AK9: variants seen among roughly 807,000 people sequenced by gnomAD.
AK9 encodes adenylate kinase domain containing 1.
AK9 carries 191 observed loss-of-function variants against 239.6 expected under a neutral mutation model. The ratio of observed to expected loss-of-function variants is 0.80; its 90% CI spans 0.71 to 0.90. AK9 has a LOEUF of 0.90. AK9 is among the 40% of genes least tolerant of loss of function. The pLI, the probability that AK9 is intolerant of heterozygous loss-of-function variation, is 0.00. For missense variants in AK9, 1,995 were observed against 2,214.7 expected, an observed-to-expected ratio of 0.90 and a Z score of 1.99; for synonymous variants, 689 against 721.0, an observed-to-expected ratio of 0.96 and a Z score of 0.71.
chr6:109,513,845 A>C (rs772289147), intron 32 of AK9, among the ~76,000 whole-genome samples: 1 of 152,198 alleles, frequency 6.6e-6, no homozygotes, highest in African/African-American at 2.4e-5. Context: ...TAATAAGGCT[A>C]TTGTTAAGGA....
chr6:109,539,373 C>G (rs1037852595), intron 27 of AK9, among the ~76,000 whole-genome samples: 8 of 152,086 alleles, frequency 5.3e-5, no homozygotes, highest in African/African-American at 1.9e-4. Flanking sequence ...TCACTGATAC[C>G]CTTTCTTCCA....
chr6:109,652,682 C>A (rs1465429675), intron 8 of AK9, among the ~76,000 whole-genome samples: 1 of 152,060 alleles, frequency 6.6e-6, no homozygotes, highest in Non-Finnish European at 1.5e-5. Flanking sequence ...TTACTTTCTT[C>A]TTTAATAATT....
Position 109,674,235 on chromosome 6 carries a change from AC to A in AK9, c.143del (p.Arg48LeufsTer3). On this transcript the variant is annotated frameshift_variant, in exon 3 of 41. Coordinates refer to ENST00000424296, the MANE Select transcript of AK9 (RefSeq NM_001145128.3). LOFTEE classifies it high-confidence loss of function. ...KPGVGKTTLA[R>X]YITQAWKCIR... ...TACATTTCCATGCCTGTGTTATGTA[AC>A]GGGCTAATGTTGTTTTCCCAACACC... 6.3e-7 allele frequency: 1 copy of A among 1,591,824 alleles called. No homozygotes were observed. Among genetic ancestry groups the A allele is most frequent in the Non-Finnish European group, 8.5e-7 (1 of 1,170,408 alleles).
intron 29 of AK9, among the ~76,000 whole-genome samples, chr6:109,521,467 T>C (rs1433075995): frequency 6.7e-6 from 1 of 149,314 alleles, no homozygotes; most frequent in African/African-American, 2.4e-5. Flanking sequence ...ATCAAGAAGA[T>C]GTCCTTACTC....
chr6:109,516,014 A>G lies in AK9; in HGVS notation c.3908T>C (p.Ile1303Thr), dbSNP rs1208659668. The change falls in exon 31 of 41, where the codon ATT becomes ACT. Residue 1303 changes from isoleucine to threonine, a missense_variant. Transcript: ENST00000424296. ...TTTCATATTCAATGTATATTGTACA[A>G]TGTGATTTCTCCGAGCTCCATTAAT... is the stretch of plus-strand genomic sequence containing the variant. ...ISINGARRNHIVQYTLNMKLK... is the reference protein window; with the variant it reads ...ISINGARRNHTVQYTLNMKLK... 1.9e-6 allele frequency: 3 copies of G among 1,551,212 alleles called. No homozygotes were observed. In the African/African-American group the frequency reaches 4.1e-5, roughly 21 times the overall value.
chr6:109,568,627 C>T (rs1786934266), intron 21 of AK9, among the ~76,000 whole-genome samples: 1 of 152,184 alleles, frequency 6.6e-6, no homozygotes, highest in Non-Finnish European at 1.5e-5. Context: ...CATTCCTATA[C>T]ACCAATAACA....
chr6:109,679,080 T>C (rs1460375113), intron 1 of AK9, among the ~76,000 whole-genome samples: 2 of 152,056 alleles, frequency 1.3e-5, no homozygotes, highest in Non-Finnish European at 2.9e-5. Flanking sequence ...CATATCCCAG[T>C]GGCGCCTGGA....
intron 12 of AK9, among the ~76,000 whole-genome samples, chr6:109,622,019 T>C (rs1733065768): frequency 6.8e-6 from 1 of 146,506 alleles, no homozygotes; most frequent in Non-Finnish European, 1.5e-5. Context: ...GCCTAGTTTA[T>C]AGTTGCAAAA....
At chr6:109,554,083 C>G (rs1200956913) in intron 24 of AK9, among the ~76,000 whole-genome samples, 1 of 152,130 alleles carries the variant, frequency 6.6e-6, no homozygotes, top group African/African-American at 2.4e-5. Context: ...TTTTTTGATG[C>G]ACTGCTGGAT....
In AK9 at chr6:109,499,197, C is replaced by G; in HGVS notation, c.4893G>C (p.Glu1631Asp). The change falls in exon 36 of 41, where the codon GAG (glutamate) becomes GAC (aspartate). Residue 1631 changes from glutamate (E) to aspartate (D), a missense_variant. Transcript: ENST00000424296. ...CIDKLCITPQ[E>D]LLSRLGEFEQ... ...CAAATTCTCCCAGGCGAGAAAGCAG[C>G]TCTTGAGGTGTGATACATAACTTGT... is the stretch of plus-strand genomic sequence containing the variant. The G allele has an allele frequency of 6.3e-7, 1 of 1,597,250 alleles. No individual in the cohort carries two copies. Among genetic ancestry groups the G allele is most frequent in the Non-Finnish European group, 8.5e-7 (1 of 1,171,132 alleles).
At chr6:109,670,136 T>A (rs1801857288) in intron 5 of AK9, among the ~76,000 whole-genome samples, 1 of 152,050 alleles carries the variant, frequency 6.6e-6, no homozygotes, top group Non-Finnish European at 1.5e-5. Context: ...TAGGGGAAAC[T>A]TATATATAAA....
intron 17 of AK9, among the ~76,000 whole-genome samples, chr6:109,593,756 A>G (rs1337672301): frequency 1.3e-5 from 2 of 152,242 alleles, no homozygotes; most frequent in Non-Finnish European, 2.9e-5. Flanking sequence ...AGAACCAATG[A>G]CAAAAACCAC....
chr6:109,602,139 G>C (rs570266038), intron 17 of AK9, among the ~76,000 whole-genome samples: 47 of 152,254 alleles, frequency 3.1e-4, no homozygotes, highest in African/African-American at 1.1e-3. Flanking sequence ...TGGTTATTTT[G>C]CTCATTAGTT....
intron 17 of AK9, among the ~76,000 whole-genome samples, chr6:109,604,387 T>C (rs1792558472): frequency 6.6e-6 from 1 of 152,248 alleles, no homozygotes; most frequent in Admixed American, 6.5e-5. Flanking sequence ...CGTTTAACTA[T>C]TTAATATATA....
At chr6:109,524,877 T>G (rs2128125915) in intron 29 of AK9, among the ~76,000 whole-genome samples, 1 of 152,288 alleles carries the variant, frequency 6.6e-6, no homozygotes, top group Non-Finnish European at 1.5e-5. Context: ...TGAATAATAT[T>G]GACCCTAAGT....
chr6:109,666,447 G>A (rs1801212704), intron 5 of AK9, among the ~76,000 whole-genome samples: 1 of 152,110 alleles, frequency 6.6e-6, no homozygotes, highest in Non-Finnish European at 1.5e-5. Flanking sequence ...GCCCTTCCAT[G>A]CTAACGATGG....
At chr6:109,505,998 G>C (rs1005286602) in intron 35 of AK9, among the ~76,000 whole-genome samples, 2 of 152,064 alleles carry the variant, frequency 1.3e-5, no homozygotes, top group African/African-American at 2.4e-5. Flanking sequence ...GGACAAGCAG[G>C]CTCCCTCAAG....
chr6:109,589,506 A>G (rs1394120987), intron 17 of AK9, among the ~76,000 whole-genome samples: 2 of 152,198 alleles, frequency 1.3e-5, no homozygotes, highest in African/African-American at 2.4e-5. Context: ...GTATAGAAAC[A>G]TATCAACAGT....
chr6:109,531,098 C>A (rs1582866248), intron 28 of AK9, among the ~76,000 whole-genome samples: 1 of 152,010 alleles, frequency 6.6e-6, no homozygotes, highest in East Asian at 1.9e-4. Flanking sequence ...CCAAAGCATA[C>A]AATGTGGTGG....
Sources: allele counts gnomAD v4.1 joint callset (sites outside exome capture counted in the v4.1 genomes callset), GRCh38; gene constraint gnomAD v4.1.1; transcripts MANE v1.5; gene names NCBI Gene and HGNC (gene_info 2026-07-23, HGNC 2026-07-21).